Variants in SAMM50 observed in about 807,000 individuals in gnomAD.
SAMM50 encodes the protein SAMM50 sorting and assembly machinery component.
A neutral mutation model predicts 66.9 loss-of-function variants in SAMM50; 47 were observed. That is an observed-to-expected ratio of 0.70 (90% CI 0.56 to 0.90). The LOEUF is 0.90. SAMM50 is among the 40% of genes least tolerant of loss of function. The pLI is 0.00. For synonymous variants in SAMM50, 191 were observed against 214.1 expected (o/e 0.89, Z 0.94); for missense variants, 535 against 595.3 (o/e 0.90, Z 1.05).
intron 1 of SAMM50, among the ~76,000 whole-genome samples, chr22:43,960,694 A>C (rs2050143485): frequency 6.6e-6 from 1 of 152,106 alleles, no homozygotes. Context: ...GCGCCATTAC[A>C]CTCAAGCCTG....
intron 8 of SAMM50, 130 bp from the exon 9 acceptor site, chr22:43,976,620 G>C: frequency 1.4e-6 from 1 of 706,980 alleles, no homozygotes; most frequent in African/African-American, 1.8e-5. Flanking sequence ...TTCCTCCAAG[G>C]GCTCTGTGAA....
intron 7 of SAMM50, among the ~76,000 whole-genome samples, chr22:43,974,383 G>A (rs1387379041): frequency 6.6e-6 from 1 of 152,228 alleles, no homozygotes; most frequent in African/African-American, 2.4e-5. Context: ...ACAGGAGCGC[G>A]GGGTCTCCCA....
In SAMM50 at chr22:43,984,087, A is replaced by T. The variant is rs1483158719; in HGVS notation, c.1075+87A>T. The T allele has an allele frequency of 1.9e-5, 21 of 1,126,220 alleles. No individual in the cohort carries two copies. The Admixed American group carries it at 4.8e-4, about 26-fold the overall frequency. 69.8% of individuals were successfully genotyped at this position (1,126,220 alleles called of 1,614,324 possible). A position where few individuals can be genotyped will look rare whatever the true frequency, so the allele number is the denominator to read the frequency against. On this transcript the variant is annotated intron_variant, in intron 12 of 14. Coordinates refer to ENST00000350028, the MANE Select transcript of SAMM50 (RefSeq NM_015380.5). Reference sequence around the variant, plus strand: ...GTACCTGTTATTAGCTTACAGCGATAATAGACATTCCTCTTTCACGGTGGT... The same window carrying T: ...GTACCTGTTATTAGCTTACAGCGATTATAGACATTCCTCTTTCACGGTGGT...
intron 1 of SAMM50, among the ~76,000 whole-genome samples, chr22:43,956,098 T>C (rs184245740): frequency 3.9e-5 from 6 of 152,282 alleles, no homozygotes; most frequent in African/African-American, 1.4e-4. Context: ...TGTTTTAAAG[T>C]GGAGGTAGTA....
chr22:43,985,725 C>T (rs777711835), intron 12 of SAMM50, among the ~76,000 whole-genome samples: 16 of 151,864 alleles, frequency 1.1e-4, no homozygotes, highest in African/African-American at 2.9e-4. Context: ...GAGTCAGTGC[C>T]GGGGAGCGCA....
At position 43,990,349 on chromosome 22, in the gene SAMM50, A is replaced by G. The variant is rs1374017249; in HGVS notation, c.1307A>G (p.Asn436Ser). Reference protein sequence around the residue: ...YGAGIVLRLGNIARLELNYCV... With the variant: ...YGAGIVLRLGSIARLELNYCV... ...GCCGGGATTGTCCTCAGGCTTGGCA[A>G]CATCGCTCGGTTGGAACTTAATTAC... Residue 436 changes from asparagine to serine, a missense_variant, in exon 14 of 15, where the codon AAC (asparagine) becomes AGC (serine). Asn to Ser is a conservative substitution (Grantham distance 46, BLOSUM62 1). Coordinates refer to ENST00000350028, the MANE Select transcript of SAMM50 (RefSeq NM_015380.5). The G allele has an allele frequency of 1.2e-6, 2 of 1,614,198 alleles. No individual in the cohort carries two copies. The highest frequency in any genetic ancestry group is 1.7e-6 in the Non-Finnish European group (2 of 1,180,024).
chr22:43,978,168 G>A (rs1056984276), intron 10 of SAMM50, among the ~76,000 whole-genome samples: 9 of 152,116 alleles, frequency 5.9e-5, no homozygotes, highest in African/African-American at 1.9e-4. Context: ...TGATGGCCGG[G>A]CGCAGTGGTT....
At position 43,955,479 on chromosome 22, in the gene SAMM50, A is replaced by C; in HGVS notation, c.-99A>C. The C allele has an allele frequency of 7.1e-7, 1 of 1,401,524 alleles. No homozygotes were observed. The highest frequency in any genetic ancestry group is 9.8e-7 in the Non-Finnish European group (1 of 1,015,286). 86.8% of individuals were successfully genotyped at this position (1,401,524 alleles called of 1,614,324 possible). ...CCGGGGGTTTGTGGGAGTTGCCTTG[A>C]CCTGCAGCTCCGCCACCGCGGACCC... On this transcript the variant is annotated 5_prime_UTR_variant, in exon 1 of 15. Coordinates refer to ENST00000350028, the MANE Select transcript of SAMM50 (RefSeq NM_015380.5).
intron 12 of SAMM50, among the ~76,000 whole-genome samples, chr22:43,985,405 G>C (rs1569034247): frequency 6.6e-6 from 1 of 151,998 alleles, no homozygotes; most frequent in Non-Finnish European, 1.5e-5. Context: ...AACTATCCAT[G>C]GAGTTTTGCC....
At chr22:43,977,602 GCT>G (rs2050239419) in intron 9 of SAMM50, among the ~76,000 whole-genome samples, 1 of 152,170 alleles carries the variant, frequency 6.6e-6, no homozygotes, top group African/African-American at 2.4e-5. Flanking sequence ...TCTGTGCTGA[GCT>G]CTGTGTTCAG....
At chr22:43,985,972 GT>G (rs2050290372) in intron 12 of SAMM50, among the ~76,000 whole-genome samples, 3 of 149,224 alleles carry the variant, frequency 2.0e-5, no homozygotes, top group Middle Eastern at 7.0e-3. Context: ...ATAAAACAAT[GT>G]ATTCACCTTC....
chr22:43,975,451 T>A (rs1348036480), intron 7 of SAMM50: 2 of 152,596 alleles, frequency 1.3e-5, no homozygotes, highest in Non-Finnish European at 2.9e-5. Flanking sequence ...TCAGAAAACA[T>A]TTCTCTGAGA....
rs113847461 is a variant in SAMM50, at chr22:43,983,872, G to A, written c.1008-61G>A. ...CTGACATGTGTTTCCTACGCGTTCC[G>A]TGTGTCATGTCGTTTCTCACCTCCT... On this transcript the variant is annotated intron_variant, in intron 11 of 14. Coordinates refer to ENST00000350028, the MANE Select transcript of SAMM50 (RefSeq NM_015380.5). This position sits in a 1 kb window ranked among gnomAD's most constrained non-coding sequence, Gnocchi z 4.2. The A allele has an allele frequency of 7.0e-4, 832 of 1,185,158 alleles. 6 individuals carry two copies. The African/African-American group carries it at 0.011, about 15-fold the overall frequency. The allele number at this position is 1,185,158 out of a possible 1,614,324, so 73.4% of individuals were successfully genotyped here.
At chr22:43,967,599 C>A (rs1465204997) in intron 3 of SAMM50, among the ~76,000 whole-genome samples, 1 of 152,340 alleles carries the variant, frequency 6.6e-6, no homozygotes, top group South Asian at 2.1e-4. Context: ...GAGGCTGTTG[C>A]CAGAGCACCC....
intron 1 of SAMM50, among the ~76,000 whole-genome samples, chr22:43,961,101 T>A (rs866470695): frequency 1.4e-4 from 22 of 152,224 alleles, no homozygotes; most frequent in African/African-American, 4.8e-4. Context: ...TACTGGCAGG[T>A]CAGTTACCTT....
At chr22:43,988,499 T>C (rs1272517234) in intron 12 of SAMM50, 5 of 152,218 alleles carry the variant, frequency 3.3e-5, no homozygotes, top group Admixed American at 3.3e-4. Flanking sequence ...TTTTTAGAAA[T>C]ATGCAAATAC....
Position 43,989,256 on chromosome 22 carries a change from T to C in SAMM50, c.1221T>C (p.Tyr407=). Residue 407 remains tyrosine (Y), a splice_region_variant and synonymous_variant, in exon 13 of 15, where the codon TAT becomes TAC. Transcript: ENST00000350028. ...LNAGNLCNLN[Y]GEGPKAHIRK... ...CAGGAAACCTCTGCAACCTCAACTATGGTAAAACTTGCGCTATTCAAGAAA... is the reference window on the plus strand; with the variant it reads ...CAGGAAACCTCTGCAACCTCAACTACGGTAAAACTTGCGCTATTCAAGAAA... 1 of 1,613,924 alleles carries C rather than the reference T, an allele frequency of 6.2e-7. No individual in the cohort carries two copies. Among genetic ancestry groups the C allele is most frequent in the East Asian group, 2.2e-5 (1 of 44,874 alleles).
intron 7 of SAMM50, among the ~76,000 whole-genome samples, chr22:43,974,221 C>T (rs372334400): frequency 6.6e-6 from 1 of 152,232 alleles, no homozygotes; most frequent in East Asian, 1.9e-4. Flanking sequence ...CTGCCAAGTC[C>T]GACTCACAGA....
chr22:43,967,955 C>T (rs1298711028), intron 3 of SAMM50, among the ~76,000 whole-genome samples: 1 of 152,116 alleles, frequency 6.6e-6, no homozygotes, highest in East Asian at 1.9e-4. Context: ...GGCGTGGTGG[C>T]TCATGCCTGT....
Sources: allele counts gnomAD v4.1 joint callset (sites outside exome capture counted in the v4.1 genomes callset), GRCh38; gene constraint gnomAD v4.1.1; non-coding constraint Gnocchi (gnomAD v3.1); transcripts MANE v1.5; gene names NCBI Gene and HGNC (gene_info 2026-07-23, HGNC 2026-07-21).